NEDD4: variants seen among roughly 807,000 people sequenced by gnomAD.
NEDD4 encodes NEDD4 E3 ubiquitin protein ligase.
NEDD4 carries 99 observed loss-of-function variants against 144.9 expected under a neutral mutation model. The ratio of observed to expected loss-of-function variants is 0.68; its 90% CI spans 0.58 to 0.81. NEDD4 has a LOEUF of 0.81. Among genes scored for constraint, NEDD4 ranks in the 30% least tolerant of loss-of-function variants. The pLI, the probability that NEDD4 is intolerant of heterozygous loss-of-function variation, is 0.00. For missense variants in NEDD4, 985 were observed against 1,065.9 expected, an observed-to-expected ratio of 0.92 and a Z score of 1.06; for synonymous variants, 318 against 350.6, an observed-to-expected ratio of 0.91 and a Z score of 1.04.
chr15:55,985,253 G>A (rs1302917071), intron 1 of NEDD4, among the ~76,000 whole-genome samples: 8 of 152,156 alleles, frequency 5.3e-5, no homozygotes, highest in African/African-American at 1.4e-4. Context: ...TGTTCCTGGC[G>A]CAGAGCAGTC....
chr15:55,984,735 A>T (rs1267362301), intron 1 of NEDD4, among the ~76,000 whole-genome samples: 1 of 152,184 alleles, frequency 6.6e-6, no homozygotes, highest in Admixed American at 6.5e-5. Context: ...CCCTGCATTT[A>T]TCTCCAGACT....
rs548120698 is a variant in NEDD4 at position 55,928,220 on chromosome 15, C to A, written c.238-3521G>T. Reference sequence around the variant, plus strand: ...AGAGACAGGGTTTCACCGTGTTGGCCAGGCTGGTCTCGAACCCCTGACCTC... The same window carrying A: ...AGAGACAGGGTTTCACCGTGTTGGCAAGGCTGGTCTCGAACCCCTGACCTC... On this transcript the variant is annotated intron_variant, in intron 4 of 28. Coordinates refer to ENST00000435532, the MANE Select transcript of NEDD4 (RefSeq NM_006154.4). Among the ~76,000 whole-genome samples, 4 of 152,296 alleles carry A rather than the reference C, an allele frequency of 2.6e-5. 1 individual carries two copies. The South Asian group carries it at 8.3e-4, about 32-fold the overall frequency.
intron 5 of NEDD4, among the ~76,000 whole-genome samples, chr15:55,923,830 CT>C (rs11376596): frequency 6.6e-5 from 10 of 150,676 alleles, no homozygotes; most frequent in Non-Finnish European, 1.0e-4. Flanking sequence ...TAAAAACAGA[CT>C]TTTTTTTAAA....
chr15:55,903,472 G>A (rs182953110), intron 5 of NEDD4, among the ~76,000 whole-genome samples: 1 of 152,252 alleles, frequency 6.6e-6, no homozygotes, highest in East Asian at 1.9e-4. Context: ...TTCCTAAAAT[G>A]TGGCACATGA....
At chr15:55,872,958 A>G (rs973757433) in intron 6 of NEDD4, among the ~76,000 whole-genome samples, 1 of 151,526 alleles carries the variant, frequency 6.6e-6, no homozygotes, top group Non-Finnish European at 1.5e-5. Context: ...AAGACTGTGG[A>G]GAGCCAATTA....
At chr15:55,964,291 T>G (rs1401374063) in intron 2 of NEDD4, among the ~76,000 whole-genome samples, 1 of 151,790 alleles carries the variant, frequency 6.6e-6, no homozygotes, top group Non-Finnish European at 1.5e-5. Context: ...CAAGGCTCTG[T>G]TGTTGTTGTT....
At chr15:55,948,927 T>C (rs1475767799) in intron 4 of NEDD4, among the ~76,000 whole-genome samples, 1 of 152,100 alleles carries the variant, frequency 6.6e-6, no homozygotes, top group East Asian at 1.9e-4. Context: ...CTAAAAGCAA[T>C]GGCAACAAAA....
In NEDD4 at chr15:55,866,111, G is replaced by A. The variant is rs138634415; in HGVS notation, c.508-3032C>T. ...AATTTTTTTGTAGAGATGGGGTCTC[G>A]TTATGTTGCCCAGGCTGGTCTCAAA... On this transcript the variant is annotated intron_variant, in intron 8 of 28. Transcript: ENST00000435532. Among the ~76,000 whole-genome samples, 64 of 151,880 alleles carry A rather than the reference G, an allele frequency of 4.2e-4. 1 individual carries two copies. Among genetic ancestry groups the A allele is most frequent in the African/African-American group, 8.7e-4 (36 of 41,438 alleles).
chr15:55,934,577 C>T (rs1047595775), intron 4 of NEDD4: 1 of 151,930 alleles, frequency 6.6e-6, no homozygotes, highest in African/African-American at 2.4e-5. Context: ...CACTTTATTT[C>T]TTTATGCAAA....
intron 4 of NEDD4, among the ~76,000 whole-genome samples, chr15:55,944,253 C>T (rs2037065709): frequency 6.6e-6 from 1 of 152,216 alleles, no homozygotes; most frequent in African/African-American, 2.4e-5. Context: ...CTGTGATAAA[C>T]TGTACCTGGA....
chr15:55,920,764 G>C (rs1396101125), intron 5 of NEDD4, among the ~76,000 whole-genome samples: 1 of 152,154 alleles, frequency 6.6e-6, no homozygotes, highest in Non-Finnish European at 1.5e-5. Context: ...TAATGACACA[G>C]GTCATTTGTT....
At chr15:55,920,186 G>A (rs957402347) in intron 5 of NEDD4, among the ~76,000 whole-genome samples, 11 of 93,056 alleles carry the variant, frequency 1.2e-4, no homozygotes, top group Non-Finnish European at 2.6e-4. Flanking sequence ...ATATTGTGTG[G>A]AAATATATAT....
chr15:55,869,731 G>T, intron 7 of NEDD4, 50 bp from the exon 8 acceptor site: 1 of 1,184,474 alleles, frequency 8.4e-7, no homozygotes, highest in Non-Finnish European at 1.2e-6. Context: ...CGGGAGAAAA[G>T]TATTCAATTA....
chr15:55,866,000 C>A (rs1566920162), intron 8 of NEDD4, among the ~76,000 whole-genome samples: 1 of 152,068 alleles, frequency 6.6e-6, no homozygotes, highest in Non-Finnish European at 1.5e-5. Flanking sequence ...GGTGCCATCA[C>A]AGCTCACTGC....
intron 8 of NEDD4, among the ~76,000 whole-genome samples, chr15:55,863,953 C>A (rs2034497591): frequency 6.6e-6 from 1 of 152,158 alleles, no homozygotes; most frequent in Non-Finnish European, 1.5e-5. Context: ...CTCTCTTTCT[C>A]CTCTGGACCA....
intron 28 of NEDD4, 68 bp from the exon 29 acceptor site, chr15:55,830,067 G>C (rs2032873501): frequency 5.7e-6 from 6 of 1,046,684 alleles, no homozygotes; most frequent in Non-Finnish European, 8.7e-6. Flanking sequence ...AGCAAACAGA[G>C]CAATGCTGCT....
chr15:55,935,710 G>A lies in NEDD4; in HGVS notation c.238-11011C>T, dbSNP rs2036873837. Among the ~76,000 whole-genome samples, 3 of 151,790 alleles carry A rather than the reference G, an allele frequency of 2.0e-5. No homozygotes were observed. In the South Asian group the frequency reaches 6.3e-4, roughly 32 times the overall value. Reference sequence around the variant, plus strand: ...AAACTACAAAAAATTAGCCAAGCGTGGTGGCATGCGCCTGTAGTCCCAGCT... The same window carrying A: ...AAACTACAAAAAATTAGCCAAGCGTAGTGGCATGCGCCTGTAGTCCCAGCT... On this transcript the variant is annotated intron_variant, in intron 4 of 28. Transcript: ENST00000435532.
At chr15:55,967,723 T>C (rs1456036852) in intron 1 of NEDD4, among the ~76,000 whole-genome samples, 1 of 152,054 alleles carries the variant, frequency 6.6e-6, no homozygotes, top group African/African-American at 2.4e-5. Context: ...ACTTCATAGA[T>C]AACATTATAA....
At chr15:55,907,979 T>C (rs1371268085) in intron 5 of NEDD4, among the ~76,000 whole-genome samples, 1 of 152,176 alleles carries the variant, frequency 6.6e-6, no homozygotes, top group Admixed American at 6.5e-5. Flanking sequence ...CCATTGGCAT[T>C]CACCCCAGGG....
Sources: gnomAD v4.1 joint callset for allele counts (sites outside exome capture counted in the v4.1 genomes callset) on GRCh38, gnomAD v4.1.1 for gene constraint, MANE v1.5 for transcripts, NCBI Gene and HGNC (gene_info 2026-07-23, HGNC 2026-07-21) for gene names.